PIGN: variants seen among roughly 807,000 people sequenced by gnomAD.
PIGN encodes the protein GPI ethanolamine phosphate transferase 1.
Under a neutral mutation model 125.4 loss-of-function variants are expected in PIGN, and 117 were observed. The observed-to-expected ratio is 0.93, with a 90% CI of 0.80 to 1.09. The LOEUF (loss-of-function observed/expected upper bound fraction) is 1.09, where lower values mean the gene tolerates loss of function less well. PIGN is among the 50% of genes least tolerant of loss of function. The pLI is 0.00. For missense variants in PIGN, 1,075 were observed against 1,094.9 expected, an observed-to-expected ratio of 0.98 and a Z score of 0.26; for synonymous variants, 392 against 377.8, an observed-to-expected ratio of 1.04 and a Z score of -0.44.
Position 62,110,722 on chromosome 18 carries a change from G to C in PIGN, c.1435-749C>G, listed in dbSNP as rs1350778159. Among the ~76,000 whole-genome samples, 7 of 151,842 alleles carry C rather than the reference G, an allele frequency of 4.6e-5. No individual in the cohort carries two copies. The East Asian group carries it at 1.4e-3, about 29-fold the overall frequency. On this transcript the variant is annotated intron_variant, in intron 16 of 30. Transcript: ENST00000640252. ...CTGACAGCCTGACCTGTGAATTTAGGACTTGCCTAACTAGGCCCCACAATC... is the reference window on the plus strand; with the variant it reads ...CTGACAGCCTGACCTGTGAATTTAGCACTTGCCTAACTAGGCCCCACAATC...
At chr18:62,054,280 T>A (rs948175004) in intron 30 of PIGN, among the ~76,000 whole-genome samples, 1 of 151,254 alleles carries the variant, frequency 6.6e-6, no homozygotes, top group African/African-American at 2.4e-5. Context: ...AGAAAAAAAA[T>A]CTTTGGGATC....
At chr18:62,153,704 G>A (rs2036619224) in intron 7 of PIGN, 1 of 152,074 alleles carries the variant, frequency 6.6e-6, no homozygotes, top group South Asian at 2.1e-4. Flanking sequence ...GAAAAAAATA[G>A]GGTTTAGCAA....
chr18:62,150,793 G>A (rs573454090), intron 7 of PIGN, among the ~76,000 whole-genome samples: 4 of 152,034 alleles, frequency 2.6e-5, no homozygotes, highest in East Asian at 1.9e-4. Context: ...TCCACCTCCC[G>A]GGTTCAAGCG....
chr18:62,149,729 T>C (rs1453858283), intron 7 of PIGN, among the ~76,000 whole-genome samples: 2 of 152,180 alleles, frequency 1.3e-5, no homozygotes, highest in Admixed American at 6.5e-5. Flanking sequence ...TCCAGGATTA[T>C]CTTGGGTCAT....
At chr18:62,059,953 C>T (rs2032015100) in intron 30 of PIGN, among the ~76,000 whole-genome samples, 1 of 152,160 alleles carries the variant, frequency 6.6e-6, no homozygotes, top group African/African-American at 2.4e-5. Flanking sequence ...TAAACAAAAA[C>T]GGTTTGTAAA....
chr18:62,080,180 G>T (rs1343998184), intron 28 of PIGN, among the ~76,000 whole-genome samples: 1 of 152,036 alleles, frequency 6.6e-6, no homozygotes, highest in African/African-American at 2.4e-5. Flanking sequence ...TGTAGCCATG[G>T]CTCTTGTACA....
intron 25 of PIGN, among the ~76,000 whole-genome samples, chr18:62,085,892 C>T (rs1017208608): frequency 2.0e-5 from 3 of 152,168 alleles, no homozygotes; most frequent in African/African-American, 7.2e-5. Context: ...ACTGAAAGGG[C>T]TTGATAAGCA....
chr18:62,145,016 G>C lies in PIGN; in HGVS notation c.922+893C>G, dbSNP rs868634297. ...GTCTCTAAGGAAACTGGCGGGGGGGGGGGGGCAGGGTGGAGAAAGGAGCCC... is the reference window on the plus strand; with the variant it reads ...GTCTCTAAGGAAACTGGCGGGGGGGCGGGGGCAGGGTGGAGAAAGGAGCCC... On this transcript the variant is annotated intron_variant, in intron 10 of 30. Transcript: ENST00000640252. Among the ~76,000 whole-genome samples, 513 of 151,552 alleles carry C rather than the reference G, an allele frequency of 3.4e-3. 6 individuals carry two copies. Among genetic ancestry groups the C allele is most frequent in the African/African-American group, 0.012 (478 of 41,314 alleles).
At position 62,167,188 on chromosome 18, in the gene PIGN, GCTCTCT is replaced by G. The variant is rs148196927; in HGVS notation, c.-235-3538_-235-3533del. ...TTGTCTATTGACAGAGAGCAGGAGC[GCTCTCT>G]CTCTCTCTCTCTCTCTATGTATATA... On this transcript the variant is annotated intron_variant, in intron 1 of 30. Coordinates refer to ENST00000640252, the MANE Select transcript of PIGN (RefSeq NM_176787.5). 1.4e-3 allele frequency among the ~76,000 whole-genome samples: 207 copies of G among 147,804 alleles called. 1 individual carries two copies. Among genetic ancestry groups the G allele is most frequent in the East Asian group, 3.8e-3 (19 of 5,010 alleles).
intron 16 of PIGN, among the ~76,000 whole-genome samples, chr18:62,111,348 C>T (rs903126571): frequency 6.6e-6 from 1 of 152,112 alleles, no homozygotes; most frequent in Admixed American, 6.5e-5. Flanking sequence ...CTTCCCAAAT[C>T]TGCCTCTGTT....
chr18:62,106,757 A>G, intron 19 of PIGN, 32 bp downstream of exon 19: 1 of 1,397,082 alleles, frequency 7.2e-7, no homozygotes, highest in Non-Finnish European at 1.0e-6. Flanking sequence ...AGTAGTTACT[A>G]ATCTGTCCTA....
chr18:62,166,970 T>C (rs2037157770), intron 1 of PIGN, among the ~76,000 whole-genome samples: 1 of 152,200 alleles, frequency 6.6e-6, no homozygotes, highest in Non-Finnish European at 1.5e-5. Flanking sequence ...AAAACCTAGA[T>C]GACAGGTTGA....
intron 15 of PIGN, 24 bp from the exon 16 acceptor site, chr18:62,113,340 C>G (rs371771034): frequency 6.5e-7 from 1 of 1,529,590 alleles, no homozygotes; most frequent in African/African-American, 1.4e-5. Flanking sequence ...ACATATATAA[C>G]TTGCTAACAG....
At chr18:62,059,614 A>G (rs1377943113) in intron 30 of PIGN, among the ~76,000 whole-genome samples, 1 of 152,240 alleles carries the variant, frequency 6.6e-6, no homozygotes, top group Admixed American at 6.5e-5. Flanking sequence ...CTGTAGAGAC[A>G]GAAAGCAGAT....
At chr18:62,056,952 G>A (rs1283937356) in intron 30 of PIGN, 1 of 152,200 alleles carries the variant, frequency 6.6e-6, no homozygotes, top group Non-Finnish European at 1.5e-5. Context: ...TATAACGAAT[G>A]CCTGATGATC....
chr18:62,054,062 C>A (rs1002528483), intron 30 of PIGN, among the ~76,000 whole-genome samples: 1 of 152,052 alleles, frequency 6.6e-6, no homozygotes, highest in Non-Finnish European at 1.5e-5. Context: ...AAATAAAAAA[C>A]CAACACATCA....
At chr18:62,098,446 C>A (rs1331997297) in intron 22 of PIGN, among the ~76,000 whole-genome samples, 1 of 152,070 alleles carries the variant, frequency 6.6e-6, no homozygotes. Flanking sequence ...AAATAAAAAG[C>A]AAATAATAAA....
At chr18:62,092,356 C>T (rs1358065893) in intron 23 of PIGN, among the ~76,000 whole-genome samples, 1 of 151,978 alleles carries the variant, frequency 6.6e-6, no homozygotes, top group African/African-American at 2.4e-5. Flanking sequence ...TATACATTGG[C>T]ACTGTTCTTA....
chr18:62,061,511 C>CA (rs373391589), intron 30 of PIGN, among the ~76,000 whole-genome samples: 5,463 of 32,426 alleles, frequency 0.17, 801 homozygotes, highest in African/African-American at 0.38. Flanking sequence ...GACTCCGTCT[C>CA]AAAAAAAAAA....
Sources: allele counts gnomAD v4.1 joint callset (sites outside exome capture counted in the v4.1 genomes callset), GRCh38; gene constraint gnomAD v4.1.1; transcripts MANE v1.5; gene names NCBI Gene and HGNC (gene_info 2026-07-23, HGNC 2026-07-21).